FSTL5: variants seen among roughly 807,000 people sequenced by gnomAD.
The protein encoded by FSTL5 is follistatin-related protein 5.
FSTL5 carries 62 observed loss-of-function variants against 89.1 expected under a neutral mutation model. The ratio of observed to expected loss-of-function variants is 0.70; its 90% CI spans 0.57 to 0.86. The LOEUF is 0.86. Among genes scored for constraint, FSTL5 ranks in the 40% least tolerant of loss-of-function variants. The pLI, the probability that FSTL5 is intolerant of heterozygous loss-of-function variation, is 0.00. For missense variants in FSTL5, 1,057 were observed against 1,001.6 expected, an observed-to-expected ratio of 1.06 and a Z score of -0.75; for synonymous variants, 383 against 346.2, an observed-to-expected ratio of 1.11 and a Z score of -1.18.
At chr4:161,990,902 G>A (rs1181333550) in intron 3 of FSTL5, among the ~76,000 whole-genome samples, 1 of 152,092 alleles carries the variant, frequency 6.6e-6, no homozygotes, top group Admixed American at 6.6e-5. Flanking sequence ...TAGGTGTTGG[G>A]TGTGCATGTC....
chr4:161,676,985 T>A (rs1193289775), intron 6 of FSTL5, among the ~76,000 whole-genome samples: 1 of 152,068 alleles, frequency 6.6e-6, no homozygotes, highest in Non-Finnish European at 1.5e-5. Context: ...TAAAATAAAC[T>A]GTTAAAAATA....
intron 2 of FSTL5, among the ~76,000 whole-genome samples, chr4:162,101,990 T>A (rs1019249672): frequency 6.6e-5 from 10 of 152,186 alleles, no homozygotes; most frequent in African/African-American, 2.4e-4. Flanking sequence ...ATATACATAT[T>A]TGGAGTATCC....
chr4:161,894,538 GTGGCTCAATCT>G (rs1478061297), intron 4 of FSTL5, among the ~76,000 whole-genome samples: 1 of 152,078 alleles, frequency 6.6e-6, no homozygotes. Flanking sequence ...CTGGAATACA[GTGGCTCAATCT>G]TGGCTCACTG....
intron 3 of FSTL5, 105 bp downstream of exon 3, chr4:162,033,517 TATC>T: frequency 1.6e-6 from 1 of 614,076 alleles, no homozygotes; most frequent in Non-Finnish European, 2.8e-6. Context: ...TATTTTTAAT[TATC>T]ATTATTTTCT....
intron 2 of FSTL5, among the ~76,000 whole-genome samples, chr4:162,078,047 T>C (rs1485112234): frequency 2.0e-5 from 3 of 151,890 alleles, no homozygotes; most frequent in African/African-American, 7.2e-5. Context: ...ATAAACTAAC[T>C]CTAAATGTTT....
intron 3 of FSTL5, among the ~76,000 whole-genome samples, chr4:161,958,745 G>A (rs541188124): frequency 2.0e-4 from 31 of 152,174 alleles, no homozygotes; most frequent in African/African-American, 4.1e-4. Flanking sequence ...CTTATGCTGC[G>A]CAGTGCAATG....
At chr4:162,067,077 C>A in intron 2 of FSTL5, among the ~76,000 whole-genome samples, 1 of 152,028 alleles carries the variant, frequency 6.6e-6, no homozygotes, top group East Asian at 1.9e-4. Context: ...GTTCTGTCAC[C>A]CAGGCTGGAG....
intron 7 of FSTL5, among the ~76,000 whole-genome samples, chr4:161,604,509 C>T (rs1578960289): frequency 6.6e-6 from 1 of 152,140 alleles, no homozygotes; most frequent in Non-Finnish European, 1.5e-5. Flanking sequence ...AAACCACCAT[C>T]CCTTGGAATG....
At chr4:161,754,315 A>G (rs1196017998) in intron 6 of FSTL5, among the ~76,000 whole-genome samples, 1 of 152,138 alleles carries the variant, frequency 6.6e-6, no homozygotes, top group African/African-American at 2.4e-5. Context: ...ATCATGTTGA[A>G]TTAATAGAAA....
At chr4:161,611,723 T>C (rs535059534) in intron 7 of FSTL5, among the ~76,000 whole-genome samples, 2 of 152,310 alleles carry the variant, frequency 1.3e-5, no homozygotes, top group South Asian at 4.1e-4. Flanking sequence ...AGGGTAGGAA[T>C]GTTACCTTAG....
intron 7 of FSTL5, among the ~76,000 whole-genome samples, chr4:161,588,931 C>T (rs1211274012): frequency 1.3e-5 from 2 of 151,580 alleles, no homozygotes; most frequent in East Asian, 3.9e-4. Flanking sequence ...ATTTTCATGA[C>T]TTCTTTTTAG....
At chr4:161,512,799 T>A (rs1329557748) in intron 10 of FSTL5, among the ~76,000 whole-genome samples, 1 of 152,172 alleles carries the variant, frequency 6.6e-6, no homozygotes, top group East Asian at 1.9e-4. Flanking sequence ...GGATGTAAAA[T>A]AAATAAATCC....
intron 3 of FSTL5, among the ~76,000 whole-genome samples, chr4:162,023,097 G>A (rs1039339012): frequency 9.2e-5 from 14 of 152,066 alleles, no homozygotes; most frequent in African/African-American, 3.1e-4. Flanking sequence ...TTTTAAAAGA[G>A]ACCTCTCATG....
chr4:162,049,740 T>C (rs1738320046), intron 2 of FSTL5, among the ~76,000 whole-genome samples: 1 of 152,034 alleles, frequency 6.6e-6, no homozygotes, highest in Non-Finnish European at 1.5e-5. Context: ...AAGTACAATT[T>C]CCATACAAGA....
rs750300168 is a variant in FSTL5, at chr4:162,033,682, T to G, written c.127-24A>C. On this transcript the variant is annotated intron_variant, in intron 2 of 15. Coordinates refer to ENST00000306100, the MANE Select transcript of FSTL5 (RefSeq NM_020116.5). ...TGCTGGAAATAAAACAGAAAATAGG[T>G]CAAAATATGTAAGTAAATATGTGAT... 24 of 1,351,172 alleles carry G rather than the reference T, an allele frequency of 1.8e-5. No individual in the cohort carries two copies. In the East Asian group the frequency reaches 5.2e-4, roughly 29 times the overall value. 83.7% of individuals were successfully genotyped at this position (1,351,172 alleles called of 1,614,324 possible). A position where few individuals can be genotyped will look rare whatever the true frequency, so the allele number is the denominator to read the frequency against.
At chr4:161,542,399 A>T (rs1320552273) in intron 9 of FSTL5, 133 bp downstream of exon 9, 17 of 470,056 alleles carry the variant, frequency 3.6e-5, no homozygotes, top group Non-Finnish European at 6.1e-5. Context: ...AGATATGAGC[A>T]TTTTTTTTCA....
At chr4:161,432,881 G>T (rs553375381) in intron 15 of FSTL5, among the ~76,000 whole-genome samples, 55 of 151,960 alleles carry the variant, frequency 3.6e-4, no homozygotes, top group Non-Finnish European at 6.0e-4. Context: ...ATTGAACAAT[G>T]AATAAATTCA....
intron 4 of FSTL5, among the ~76,000 whole-genome samples, chr4:161,879,480 C>A (rs1025061996): frequency 2.0e-5 from 3 of 152,128 alleles, no homozygotes; most frequent in African/African-American, 7.2e-5. Flanking sequence ...CTTCCTTTCA[C>A]GTAAAGAAAT....
intron 4 of FSTL5, among the ~76,000 whole-genome samples, chr4:161,811,316 A>T (rs1730139346): frequency 6.6e-6 from 1 of 152,176 alleles, no homozygotes. Context: ...AAATCATATG[A>T]CTTTTCTTTG....
Sources: allele counts gnomAD v4.1 joint callset (sites outside exome capture counted in the v4.1 genomes callset), GRCh38; gene constraint gnomAD v4.1.1; transcripts MANE v1.5; gene names NCBI Gene and HGNC (gene_info 2026-07-23, HGNC 2026-07-21).